DYNC2I1: variants seen among roughly 807,000 people sequenced by gnomAD.
DYNC2I1 encodes cytoplasmic dynein 2 intermediate chain 1.
A neutral mutation model predicts 133.4 loss-of-function variants in DYNC2I1; 89 were observed. The observed-to-expected ratio is 0.67, with a 90% confidence interval of 0.56 to 0.80. The LOEUF (loss-of-function observed/expected upper bound fraction) is 0.80. Ranked by LOEUF, DYNC2I1 falls within the 30% of genes least tolerant of loss-of-function variation. DYNC2I1 has a pLI of 0.00. For missense variants in DYNC2I1, 1,291 were observed against 1,314.5 expected, an observed-to-expected ratio of 0.98 and a Z score of 0.28; for synonymous variants, 504 against 484.3, an observed-to-expected ratio of 1.04 and a Z score of -0.54.
Position 158,876,640 on chromosome 7 carries a change from A to G in DYNC2I1, c.522A>G (p.Glu174=). 9 of 1,582,358 alleles carry G rather than the reference A, an allele frequency of 5.7e-6. No homozygotes were observed. The highest frequency in any genetic ancestry group is 1.2e-5 in the South Asian group (1 of 84,258). The change falls in exon 4 of 25, where the codon GAA becomes GAG. Residue 174 remains glutamate, a synonymous_variant. Transcript: ENST00000407559. Reference sequence around the variant, plus strand: ...AAGTAAGAAGTGAAGAGAAAGATGAAGACTCTGAAAGAGGAGATGAAGATA... The same window carrying G: ...AAGTAAGAAGTGAAGAGAAAGATGAGGACTCTGAAAGAGGAGATGAAGATA... The part of the protein sequence containing the change: ...VSKVRSEEKD[E]DSERGDEDRE...
chr7:158,870,335 ATTTATT>A (rs1842771976), intron 2 of DYNC2I1, among the ~76,000 whole-genome samples: 1 of 151,388 alleles, frequency 6.6e-6, no homozygotes, highest in African/African-American at 2.4e-5. Context: ...TATTTTATTT[ATTTATT>A]TTTAGTTAAT....
chr7:158,934,257 T>C (rs1364966959), intron 22 of DYNC2I1, 29 bp downstream of exon 22: 2 of 1,578,054 alleles, frequency 1.3e-6, no homozygotes, highest in South Asian at 2.3e-5. Context: ...TTAATCCTAT[T>C]ACTCATTCTC....
At chr7:158,919,422 A>T (rs988873173) in intron 15 of DYNC2I1, among the ~76,000 whole-genome samples, 2 of 152,248 alleles carry the variant, frequency 1.3e-5, no homozygotes, top group Non-Finnish European at 2.9e-5. Context: ...ATCAGTTCAG[A>T]CAAACTGCAT....
In DYNC2I1 at chr7:158,867,520, CAGT is replaced by C. The variant is rs150944323; in HGVS notation, c.16-2334_16-2332del. On this transcript the variant is annotated intron_variant, in intron 1 of 24. Coordinates refer to ENST00000407559, the MANE Select transcript of DYNC2I1 (RefSeq NM_018051.5). ...CACTATCGCGAGGGTTGCCAGGAGGCAGTGGTGCAGTGTGACAGGAGGCGCTCC... is the reference window on the plus strand; with the variant it reads ...CACTATCGCGAGGGTTGCCAGGAGGCGGTGCAGTGTGACAGGAGGCGCTCC... 1.7e-3 allele frequency among the ~76,000 whole-genome samples: 266 copies of C among 152,216 alleles called. 1 individual carries two copies. Among genetic ancestry groups the C allele is most frequent in the African/African-American group, 6.1e-3 (253 of 41,526 alleles).
At chr7:158,942,712 G>C (rs1374643014) in intron 24 of DYNC2I1, among the ~76,000 whole-genome samples, 2 of 152,210 alleles carry the variant, frequency 1.3e-5, no homozygotes, top group African/African-American at 4.8e-5. Context: ...GTCTAAAGGG[G>C]GAAAGGAGGA....
intron 8 of DYNC2I1, among the ~76,000 whole-genome samples, chr7:158,893,080 G>A (rs1845397020): frequency 6.6e-6 from 1 of 152,004 alleles, no homozygotes; most frequent in South Asian, 2.1e-4. Flanking sequence ...CTACGTTGAT[G>A]TGTCATTATC....
chr7:158,865,488 C>G (rs531403694), intron 1 of DYNC2I1, among the ~76,000 whole-genome samples: 1 of 152,156 alleles, frequency 6.6e-6, no homozygotes, highest in Admixed American at 6.6e-5. Flanking sequence ...GCTGGGCAGC[C>G]GCTCATCTCC....
At chr7:158,857,601 G>A (rs1414895703) in intron 1 of DYNC2I1, among the ~76,000 whole-genome samples, 12 of 140,250 alleles carry the variant, frequency 8.6e-5, no homozygotes, top group African/African-American at 3.3e-4. Context: ...GCAATGGCAC[G>A]AACTTGGCTT....
At chr7:158,874,211 T>C (rs1413106906) in intron 3 of DYNC2I1, among the ~76,000 whole-genome samples, 2 of 140,930 alleles carry the variant, frequency 1.4e-5, no homozygotes, top group Non-Finnish European at 3.0e-5. Context: ...CCTAATTAAT[T>C]TTTTTTTTTT....
chr7:158,848,106 G>A, the DYNC2I1 span, among the ~76,000 whole-genome samples: 1 of 152,322 alleles, frequency 6.6e-6, no homozygotes, highest in South Asian at 2.1e-4. Flanking sequence ...AACAATCCCT[G>A]AGGGATATAT....
At chr7:158,852,289 T>C (rs1263592213), upstream of DYNC2I1, among the ~76,000 whole-genome samples, 1 of 152,006 alleles carries the variant, frequency 6.6e-6, no homozygotes, top group Non-Finnish European at 1.5e-5. Flanking sequence ...GCCTGGCTAA[T>C]GTTTGTATTT....
rs115875511 is a variant in DYNC2I1 at position 158,895,403 on chromosome 7, C to G, written c.1059+4070C>G. Among the ~76,000 whole-genome samples the G allele has an allele frequency of 1.2e-3, 188 of 152,308 alleles. 1 individual carries two copies. The highest frequency in any genetic ancestry group is 4.1e-3 in the African/African-American group (169 of 41,576). On this transcript the variant is annotated intron_variant, in intron 8 of 24. Transcript: ENST00000407559. ...TTTTTTGTGGAGACTATCATTCATT[C>G]ATTGTACCGTATTGCCATTGCTCCC...
intron 8 of DYNC2I1, among the ~76,000 whole-genome samples, chr7:158,892,898 A>G (rs1383178584): frequency 6.7e-6 from 1 of 149,180 alleles, no homozygotes; most frequent in Admixed American, 6.8e-5. Flanking sequence ...AGATTGAGCC[A>G]TTGTACTCTG....
intron 5 of DYNC2I1, among the ~76,000 whole-genome samples, chr7:158,883,804 C>T (rs1338231514): frequency 8.1e-5 from 12 of 148,884 alleles, no homozygotes; most frequent in Non-Finnish European, 1.5e-4. Context: ...GCTGGGACTA[C>T]AGGCGCCCGC....
At chr7:158,891,914 C>T (rs527595173) in intron 8 of DYNC2I1, among the ~76,000 whole-genome samples, 16 of 111,012 alleles carry the variant, frequency 1.4e-4, no homozygotes, top group Admixed American at 4.9e-4. Context: ...ATGCAGAGCA[C>T]GGCCTCGTGT....
the DYNC2I1 span, among the ~76,000 whole-genome samples, chr7:158,851,207 C>T: frequency 1.3e-5 from 2 of 152,004 alleles, no homozygotes; most frequent in African/African-American, 4.8e-5. Flanking sequence ...TAATTGGAGA[C>T]ACTGGTTATT....
chr7:158,871,319 G>A lies in DYNC2I1; in HGVS notation c.247G>A (p.Glu83Lys). The A allele has an allele frequency of 6.4e-7, 1 of 1,561,440 alleles. No homozygotes were observed. Among genetic ancestry groups the A allele is most frequent in the South Asian group, 1.2e-5 (1 of 85,244 alleles). The change falls in exon 3 of 25, where the codon GAG becomes AAG. Residue 83 changes from glutamate to lysine, a missense_variant. Physicochemically the swap from Glu to Lys is moderately conservative, Grantham distance 56 (BLOSUM62 1). Coordinates refer to ENST00000407559, the MANE Select transcript of DYNC2I1 (RefSeq NM_018051.5). The stretch of plus-strand genomic sequence containing the variant: ...CACCGCTAAGGAGAGTCCTCGTGGG[G>A]AGAGGGACAGAGACAGACAGAGGGA... Reference protein sequence around the residue: ...VHTAKESPRGERDRDRQRERR... With the variant: ...VHTAKESPRGKRDRDRQRERR...
chr7:158,927,580 G>T (rs11976670), intron 20 of DYNC2I1, among the ~76,000 whole-genome samples: 1 of 149,998 alleles, frequency 6.7e-6, no homozygotes, highest in African/African-American at 2.5e-5. Context: ...TTGAGACAGA[G>T]TCCCGCTCTG....
downstream of DYNC2I1, among the ~76,000 whole-genome samples, chr7:158,957,340 C>T (rs1563224156): frequency 6.6e-6 from 1 of 152,242 alleles, no homozygotes; most frequent in Non-Finnish European, 1.5e-5. Context: ...CCGATTCTGG[C>T]AGGACTGAGC....
Sources: allele counts gnomAD v4.1 joint callset (sites outside exome capture counted in the v4.1 genomes callset), GRCh38; gene constraint gnomAD v4.1.1; transcripts MANE v1.5; gene names NCBI Gene and HGNC (gene_info 2026-07-23, HGNC 2026-07-21).